Variants in WWOX observed in about 807,000 individuals in gnomAD.
WWOX encodes WW domain containing oxidoreductase, also known as WW domain-containing oxidoreductase.
A neutral mutation model predicts 46.2 loss-of-function variants in WWOX; 69 were observed. The observed-to-expected ratio is 1.49, with a 90% confidence interval of 1.23 to 1.82. The LOEUF (loss-of-function observed/expected upper bound fraction) is 1.82, where lower values mean the gene tolerates loss of function less well. Ranked by LOEUF, WWOX falls within the 40% of genes most tolerant of loss-of-function variation. The pLI is 0.00. For synonymous variants in WWOX, 359 were observed against 202.6 expected (o/e 1.77, Z -6.56); for missense variants, 919 against 542.6 (o/e 1.69, Z -6.89).
Position 78,896,663 on chromosome 16 carries a change from A to T in WWOX, c.1057-314945A>T, listed in dbSNP as rs1355926880. On this transcript the variant is annotated intron_variant, in intron 8 of 8. Transcript: ENST00000566780. ...TTTCATAAATAATCTTAACCTTTTC[A>T]AGCATTTTTGTCGATTGGATTGTAG... 9 of 152,230 alleles carry T rather than the reference A, an allele frequency of 5.9e-5. No homozygotes were observed. In the East Asian group the frequency reaches 1.7e-3, roughly 29 times the overall value. The allele number at this position is 152,230 out of a possible 1,614,324, so 9.4% of individuals were successfully genotyped here. A position where few individuals can be genotyped will look rare whatever the true frequency, so the allele number is the denominator to read the frequency against.
At chr16:78,982,088 C>A (rs2046693830) in intron 8 of WWOX, among the ~76,000 whole-genome samples, 1 of 150,000 alleles carries the variant, frequency 6.7e-6, no homozygotes, top group Non-Finnish European at 1.5e-5. Context: ...CTGAGCCTCA[C>A]TGGGGATGGG....
intron 6 of WWOX, among the ~76,000 whole-genome samples, chr16:78,415,723 C>A (rs1157551576): frequency 2.6e-5 from 4 of 152,134 alleles, no homozygotes; most frequent in African/African-American, 9.7e-5. Context: ...GGTCCCTTTG[C>A]AGTAGGAAGT....
At position 78,386,899 on chromosome 16, in the gene WWOX, C is replaced by T. The variant is rs772539448; in HGVS notation, c.556C>T (p.Leu186=). The T allele has an allele frequency of 3.1e-6, 5 of 1,614,008 alleles. No individual in the cohort carries two copies. Among genetic ancestry groups the T allele is most frequent in the Admixed American group, 1.7e-5 (1 of 60,002 alleles). The change falls in exon 6 of 9, where the codon CTG becomes TTG. Residue 186 remains leucine, a synonymous_variant. Coordinates refer to ENST00000566780, the MANE Select transcript of WWOX (RefSeq NM_016373.4). The stretch of plus-strand genomic sequence containing the variant: ...AGAAGCAATGACCCTGGACCTCGCT[C>T]TGCTCCGTAGCGTGCAGCATTTTGC... ...KVEAMTLDLA[L]LRSVQHFAEA... is the part of the protein sequence containing the mutation.
chr16:79,061,044 C>G (rs1437203083), intron 8 of WWOX, among the ~76,000 whole-genome samples: 1 of 152,206 alleles, frequency 6.6e-6, no homozygotes, highest in African/African-American at 2.4e-5. Context: ...GACTTATACA[C>G]TCACATTCAT....
intron 8 of WWOX, among the ~76,000 whole-genome samples, chr16:78,704,906 C>T (rs1345147854): frequency 7.1e-6 from 1 of 141,166 alleles, no homozygotes; most frequent in Non-Finnish European, 1.5e-5. Flanking sequence ...GCTTCTTCCT[C>T]TAAAATACAA....
intron 8 of WWOX, among the ~76,000 whole-genome samples, chr16:78,959,579 A>G (rs1033396026): frequency 1.3e-5 from 2 of 152,102 alleles, no homozygotes; most frequent in African/African-American, 4.8e-5. Context: ...ATCTACTTCT[A>G]GGTTGTGAGA....
At chr16:78,315,155 G>A (rs1341262879) in intron 5 of WWOX, among the ~76,000 whole-genome samples, 5 of 152,190 alleles carry the variant, frequency 3.3e-5, no homozygotes, top group African/African-American at 1.2e-4. Flanking sequence ...ATTTTCTTAT[G>A]TAAGAAAACT....
chr16:78,904,056 T>C (rs1272923535), intron 8 of WWOX, among the ~76,000 whole-genome samples: 1 of 152,054 alleles, frequency 6.6e-6, no homozygotes, highest in African/African-American at 2.4e-5. Context: ...TGTCTGAAAT[T>C]AGGGAACACC....
chr16:79,178,722 C>T (rs545307706), intron 8 of WWOX, among the ~76,000 whole-genome samples: 33 of 152,254 alleles, frequency 2.2e-4, no homozygotes, highest in Non-Finnish European at 4.7e-4. Context: ...ATGTGCCTAC[C>T]TAATGCTCTT....
chr16:79,028,244 C>T lies in WWOX; in HGVS notation c.1057-183364C>T, dbSNP rs957607488. ...GATTACAGGCGTGAGCCACCACGCC[C>T]GACTGCTTTATTTTCCTTTGTGTTC... On this transcript the variant is annotated intron_variant, in intron 8 of 8. Transcript: ENST00000566780. Among the ~76,000 whole-genome samples the T allele has an allele frequency of 2.1e-4, 32 of 151,894 alleles. 1 individual carries two copies. Among genetic ancestry groups the T allele is most frequent in the African/African-American group, 6.8e-4 (28 of 41,188 alleles).
At chr16:78,608,774 C>T (rs1202474869) in intron 8 of WWOX, among the ~76,000 whole-genome samples, 1 of 152,186 alleles carries the variant, frequency 6.6e-6, no homozygotes, top group Non-Finnish European at 1.5e-5. Flanking sequence ...CCGGGGTCGC[C>T]TGCCCTCCAG....
intron 8 of WWOX, among the ~76,000 whole-genome samples, chr16:78,494,841 T>G (rs1202173667): frequency 3.3e-5 from 5 of 152,164 alleles, no homozygotes; most frequent in Non-Finnish European, 7.3e-5. Flanking sequence ...GGCCTGTCAA[T>G]TGAGTAAGAG....
chr16:78,643,679 G>A (rs1273496937), intron 8 of WWOX, among the ~76,000 whole-genome samples: 1 of 152,062 alleles, frequency 6.6e-6, no homozygotes, highest in African/African-American at 2.4e-5. Flanking sequence ...CGTTGTAAAT[G>A]ATTGTCTCAC....
intron 8 of WWOX, among the ~76,000 whole-genome samples, chr16:79,033,692 T>C (rs1467589481): frequency 1.3e-5 from 2 of 152,196 alleles, no homozygotes; most frequent in Non-Finnish European, 2.9e-5. Flanking sequence ...TGAAACGCTG[T>C]ACCCACAGAA....
chr16:79,044,706 A>G (rs542057434), intron 8 of WWOX, among the ~76,000 whole-genome samples: 6 of 152,338 alleles, frequency 3.9e-5, no homozygotes, highest in African/African-American at 1.4e-4. Context: ...GAATGGCCTA[A>G]TACATGGTCT....
intron 8 of WWOX, among the ~76,000 whole-genome samples, chr16:78,804,694 T>A (rs984262049): frequency 1.3e-5 from 2 of 152,250 alleles, no homozygotes; most frequent in Non-Finnish European, 2.9e-5. Context: ...TTCTGTTTTT[T>A]TTCTAATTTA....
intron 8 of WWOX, among the ~76,000 whole-genome samples, chr16:78,857,021 T>A (rs987216718): frequency 1.3e-5 from 2 of 152,188 alleles, no homozygotes; most frequent in African/African-American, 4.8e-5. Flanking sequence ...TATTTGCATA[T>A]ACAAACATAG....
chr16:78,391,903 C>A (rs1438936543), intron 6 of WWOX, among the ~76,000 whole-genome samples: 1 of 152,032 alleles, frequency 6.6e-6, no homozygotes, highest in African/African-American at 2.4e-5. Flanking sequence ...TTTGTGCCTC[C>A]TCTTTTCCTC....
chr16:78,658,190 C>G (rs377500673), intron 8 of WWOX, among the ~76,000 whole-genome samples: 3 of 152,164 alleles, frequency 2.0e-5, no homozygotes, highest in East Asian at 3.9e-4. Flanking sequence ...CCCTGGGGAA[C>G]AAAATCACCC....
Sources: allele counts gnomAD v4.1 joint callset (sites outside exome capture counted in the v4.1 genomes callset), GRCh38; gene constraint gnomAD v4.1.1; transcripts MANE v1.5; gene names NCBI Gene and HGNC (gene_info 2026-07-23, HGNC 2026-07-21).